Variants in SEPTIN9 observed in about 807,000 individuals in gnomAD.
SEPTIN9 encodes the protein septin 9.
Under a neutral mutation model 56.6 loss-of-function variants are expected in SEPTIN9, and 13 were observed. The ratio of observed to expected loss-of-function variants is 0.23; its 90% CI spans 0.15 to 0.37. The LOEUF (loss-of-function observed/expected upper bound fraction) is 0.37. Ranked by LOEUF, SEPTIN9 falls within the 10% of genes least tolerant of loss-of-function variation. SEPTIN9 has a pLI of 1.00. For missense variants in SEPTIN9, 650 were observed against 823.1 expected (o/e 0.79, Z 2.57); for synonymous variants, 332 against 334.1 (o/e 0.99, Z 0.07).
intron 2 of SEPTIN9, among the ~76,000 whole-genome samples, chr17:77,328,604 G>A (rs1382172287): frequency 6.6e-6 from 1 of 152,190 alleles, no homozygotes; most frequent in Non-Finnish European, 1.5e-5. Flanking sequence ...GACCTCAAGT[G>A]ATCCACCCAG....
At chr17:77,426,193 C>A (rs1171980053) in intron 3 of SEPTIN9, among the ~76,000 whole-genome samples, 1 of 152,050 alleles carries the variant, frequency 6.6e-6, no homozygotes, top group Non-Finnish European at 1.5e-5. Flanking sequence ...TGCCCTCTGA[C>A]CCCTGCTTGG....
intron 3 of SEPTIN9, among the ~76,000 whole-genome samples, chr17:77,418,752 G>T (rs551186043): frequency 1.1e-4 from 17 of 152,260 alleles, no homozygotes; most frequent in African/African-American, 3.4e-4. Flanking sequence ...CCTCCCCTCG[G>T]GAGCTCCCCA....
intron 4 of SEPTIN9, chr17:77,484,265 T>G (rs1445893176): frequency 2.5e-5 from 1 of 39,320 alleles, no homozygotes; most frequent in Non-Finnish European, 4.8e-5. Context: ...ATGATGGTGA[T>G]GGTGGTGGTG....
intron 3 of SEPTIN9, among the ~76,000 whole-genome samples, chr17:77,479,280 G>T (rs187595571): frequency 6.6e-6 from 1 of 152,362 alleles, no homozygotes; most frequent in Non-Finnish European, 1.5e-5. Context: ...GTTTCCAGCT[G>T]TCTGAGCACC....
intron 1 of SEPTIN9, among the ~76,000 whole-genome samples, chr17:77,283,015 C>T (rs1238884280): frequency 6.6e-6 from 1 of 152,088 alleles, no homozygotes; most frequent in African/African-American, 2.4e-5. Flanking sequence ...GTTTTTTCTG[C>T]GGAGACCCTC....
In SEPTIN9 at chr17:77,320,365, C is replaced by G. The variant is rs201079201; in HGVS notation, c.76+13168C>G. ...GGATCTCAGGTACGCAGACAGCCCC[C>G]TCCCCATCGGCCGCCCCCCACTGCC... On this transcript the variant is annotated intron_variant, in intron 2 of 11. Coordinates refer to ENST00000427177, the MANE Select transcript of SEPTIN9 (RefSeq NM_001113491.2). 2.4e-4 allele frequency: 379 copies of G among 1,609,496 alleles called. 4 individuals are homozygous for G. In the East Asian group the frequency reaches 8.4e-3, roughly 36 times the overall value.
intron 2 of SEPTIN9, among the ~76,000 whole-genome samples, chr17:77,307,903 T>C (rs917345219): frequency 4.6e-5 from 7 of 152,220 alleles, no homozygotes; most frequent in African/African-American, 1.7e-4. Context: ...CCCCCAGGGC[T>C]GAGTCTGCGC....
At chr17:77,460,074 C>T (rs1216597308) in intron 3 of SEPTIN9, among the ~76,000 whole-genome samples, 1 of 150,476 alleles carries the variant, frequency 6.6e-6, no homozygotes, top group African/African-American at 2.4e-5. Context: ...CCAAGCCCCA[C>T]CCCCCCCAGG....
chr17:77,344,441 G>T (rs9897520), intron 2 of SEPTIN9, among the ~76,000 whole-genome samples: 82,366 of 152,024 alleles, frequency 0.54, 23,159 homozygotes, highest in East Asian at 0.98. Flanking sequence ...CTGTGGAAAA[G>T]ATATAACAAT....
chr17:77,496,071 C>T (rs2040246437), intron 10 of SEPTIN9: 1 of 150,790 alleles, frequency 6.6e-6, no homozygotes, highest in East Asian at 1.9e-4. Flanking sequence ...CTCTTTTGCC[C>T]AGGCTGGAGT....
intron 3 of SEPTIN9, among the ~76,000 whole-genome samples, chr17:77,424,605 C>T (rs781430336): frequency 3.1e-4 from 47 of 152,300 alleles, no homozygotes; most frequent in Non-Finnish European, 5.7e-4. Flanking sequence ...GTGAGGGCCT[C>T]GGGGTCCCTT....
In SEPTIN9 at chr17:77,389,873, G is replaced by T. The variant is rs1284788906; in HGVS notation, c.77-12186G>T. Among the ~76,000 whole-genome samples the T allele has an allele frequency of 6.6e-6, 1 of 152,206 alleles. No individual in the cohort carries two copies. The highest frequency in any genetic ancestry group is 1.5e-5 in the Non-Finnish European group (1 of 68,030). Reference sequence around the variant, plus strand: ...CGGGGGTGGGGGGAGCGCTAGACCAGTGCAGCACATCTGAGAGTGTGCCAG... The same window carrying T: ...CGGGGGTGGGGGGAGCGCTAGACCATTGCAGCACATCTGAGAGTGTGCCAG... On this transcript the variant is annotated intron_variant, in intron 2 of 11. Transcript: ENST00000427177. This position sits in a 1 kb window ranked among gnomAD's most constrained non-coding sequence, Gnocchi z 4.3.
intron 2 of SEPTIN9, among the ~76,000 whole-genome samples, chr17:77,343,719 C>G (rs554880120): frequency 6.6e-6 from 1 of 152,198 alleles, no homozygotes; most frequent in East Asian, 1.9e-4. Flanking sequence ...TGGTTGGTGT[C>G]AGAATTGAAC....
chr17:77,490,991 G>A lies in SEPTIN9; in HGVS notation c.1380+132G>A, dbSNP rs1467996182. ...AACCGCTGGTCACTCTCCCCAGCGG[G>A]TGGCTGGCCTGGTGGTCCCTGGCCC... On this transcript the variant is annotated intron_variant, in intron 8 of 11. Coordinates refer to ENST00000427177, the MANE Select transcript of SEPTIN9 (RefSeq NM_001113491.2). The A allele has an allele frequency of 2.5e-5, 19 of 756,994 alleles. 1 individual carries two copies. The South Asian group carries it at 2.9e-4, about 12-fold the overall frequency. 46.9% of individuals were successfully genotyped at this position (756,994 alleles called of 1,614,324 possible).
chr17:77,350,458 A>G (rs969523124), intron 2 of SEPTIN9, among the ~76,000 whole-genome samples: 1 of 152,160 alleles, frequency 6.6e-6, no homozygotes, highest in African/African-American at 2.4e-5. Context: ...CTTCTCTGTG[A>G]GAGAGACGAG....
In SEPTIN9 at chr17:77,369,016, C is replaced by T. The variant is rs2034646497; in HGVS notation, c.77-33043C>T. Among the ~76,000 whole-genome samples the T allele has an allele frequency of 6.6e-6, 1 of 152,154 alleles. No individual in the cohort carries two copies. Among genetic ancestry groups the T allele is most frequent in the African/African-American group, 2.4e-5 (1 of 41,434 alleles). ...CAGCACTTTGGGAGGCCAAGGCAGG[C>T]AGATCATCTGAGTTCAAAACCAGCC... On this transcript the variant is annotated intron_variant, in intron 2 of 11. Coordinates refer to ENST00000427177, the MANE Select transcript of SEPTIN9 (RefSeq NM_001113491.2). The surrounding 1 kb of genome is among the most constrained non-coding windows in gnomAD (Gnocchi z 4.9).
chr17:77,412,751 T>G (rs890800450), intron 3 of SEPTIN9, among the ~76,000 whole-genome samples: 1 of 152,054 alleles, frequency 6.6e-6, no homozygotes, highest in Admixed American at 6.6e-5. Flanking sequence ...TATTTGTACA[T>G]CTTTATCACA....
At chr17:77,309,381 C>A (rs1190876779) in intron 2 of SEPTIN9, among the ~76,000 whole-genome samples, 1 of 152,270 alleles carries the variant, frequency 6.6e-6, no homozygotes, top group East Asian at 1.9e-4. Context: ...CTCTGTGGGC[C>A]TCTGTGGGCT....
chr17:77,376,697 C>G (rs1210039370), intron 2 of SEPTIN9: 1 of 152,382 alleles, frequency 6.6e-6, no homozygotes, highest in Non-Finnish European at 1.5e-5. Flanking sequence ...GGCAAGTGAC[C>G]TGGCATGGGG....
Sources: gnomAD v4.1 joint callset for allele counts (sites outside exome capture counted in the v4.1 genomes callset) on GRCh38, gnomAD v4.1.1 for gene constraint, Gnocchi (gnomAD v3.1) non-coding constraint, MANE v1.5 for transcripts, NCBI Gene and HGNC (gene_info 2026-07-23, HGNC 2026-07-21) for gene names.